Variants in FTO observed in about 807,000 individuals in gnomAD.
FTO encodes alpha-ketoglutarate-dependent dioxygenase FTO.
FTO carries 47 observed loss-of-function variants against 63.9 expected under a neutral mutation model. The ratio of observed to expected loss-of-function variants is 0.74; its 90% CI spans 0.58 to 0.94. FTO has a LOEUF of 0.94. Ranked by LOEUF, FTO falls within the 40% of genes least tolerant of loss-of-function variation. The probability of loss-of-function intolerance (pLI) is 0.00; values close to 1 mark genes in which losing one functional copy is unlikely to be tolerated. For missense variants in FTO, 562 were observed against 618.1 expected (o/e 0.91, Z 0.96); for synonymous variants, 207 against 224.4 (o/e 0.92, Z 0.69).
chr16:53,782,055 G>A (rs989903435), intron 1 of FTO, among the ~76,000 whole-genome samples: 14 of 151,974 alleles, frequency 9.2e-5, no homozygotes, highest in Non-Finnish European at 1.5e-4. Flanking sequence ...GACAGTTATG[G>A]AACCCTCTCC....
chr16:54,057,344 A>G (rs796637654), intron 8 of FTO, among the ~76,000 whole-genome samples: 4 of 152,338 alleles, frequency 2.6e-5, no homozygotes, highest in African/African-American at 4.8e-5. Context: ...TGGGCATCCC[A>G]TGATCAACGT....
chr16:54,059,480 A>G (rs2085519084), intron 8 of FTO, among the ~76,000 whole-genome samples: 1 of 152,240 alleles, frequency 6.6e-6, no homozygotes, highest in Middle Eastern at 3.4e-3. Context: ...TGCTGAGCCC[A>G]TATTCATCAC....
intron 1 of FTO, among the ~76,000 whole-genome samples, chr16:53,791,771 C>G (rs1398417842): frequency 6.6e-6 from 1 of 152,154 alleles, no homozygotes; most frequent in African/African-American, 2.4e-5. Flanking sequence ...ATCAAGAAAG[C>G]ATGATAATAA....
At chr16:53,937,465 T>C (rs2082415978) in intron 8 of FTO, 1 of 390,512 alleles carries the variant, frequency 2.6e-6, no homozygotes, top group Non-Finnish European at 4.5e-6. Context: ...TAATAAACTC[T>C]GAGGTTCTTA....
intron 1 of FTO, among the ~76,000 whole-genome samples, chr16:53,744,645 T>G (rs942780317): frequency 2.0e-5 from 3 of 152,186 alleles, no homozygotes; most frequent in Non-Finnish European, 4.4e-5. Flanking sequence ...CCTTCCTGAC[T>G]CACTTCCTGC....
At chr16:53,981,068 T>C (rs2083531212) in intron 8 of FTO, among the ~76,000 whole-genome samples, 1 of 152,186 alleles carries the variant, frequency 6.6e-6, no homozygotes, top group Non-Finnish European at 1.5e-5. Context: ...CTCACACCTG[T>C]AATCCAGCAT....
At chr16:53,940,194 T>C (rs1012378669) in intron 8 of FTO, among the ~76,000 whole-genome samples, 5 of 152,118 alleles carry the variant, frequency 3.3e-5, no homozygotes, top group Non-Finnish European at 7.4e-5. Context: ...ATCCTAGTGG[T>C]ATATTATTGT....
chr16:53,783,384 G>A (rs928634690), intron 1 of FTO, among the ~76,000 whole-genome samples: 2 of 151,696 alleles, frequency 1.3e-5, no homozygotes, highest in Admixed American at 1.3e-4. Flanking sequence ...AGGCCGAGGC[G>A]GGCGGGTCAC....
chr16:54,016,225 T>C (rs1330837801), intron 8 of FTO, among the ~76,000 whole-genome samples: 2 of 147,500 alleles, frequency 1.4e-5, no homozygotes, highest in African/African-American at 4.9e-5. Context: ...ATGCTAAAAA[T>C]ACAGTTGTCT....
At chr16:53,951,083 GTAAT>G (rs1800087477) in intron 8 of FTO, among the ~76,000 whole-genome samples, 1 of 152,190 alleles carries the variant, frequency 6.6e-6, no homozygotes, top group Non-Finnish European at 1.5e-5. Flanking sequence ...TTTTTCGTAA[GTAAT>G]TAATCTTTTC....
chr16:53,714,790 C>T (rs2075854001), intron 1 of FTO, among the ~76,000 whole-genome samples: 1 of 152,086 alleles, frequency 6.6e-6, no homozygotes, highest in Non-Finnish European at 1.5e-5. Context: ...GGAACCACAG[C>T]CAGGCAGAGG....
At chr16:53,762,277 A>G (rs547018900) in intron 1 of FTO, among the ~76,000 whole-genome samples, 47 of 152,312 alleles carry the variant, frequency 3.1e-4, no homozygotes, top group African/African-American at 1.1e-3. Context: ...TCTTGTATAA[A>G]TAACAATACT....
intron 4 of FTO, among the ~76,000 whole-genome samples, chr16:53,848,689 A>T (rs2079703077): frequency 6.6e-6 from 1 of 152,120 alleles, no homozygotes; most frequent in Admixed American, 6.6e-5. Context: ...GGAGTTAGGG[A>T]CTTAAAAGTG....
intron 8 of FTO, among the ~76,000 whole-genome samples, chr16:53,953,829 G>T (rs2082857781): frequency 6.6e-6 from 1 of 152,188 alleles, no homozygotes; most frequent in Non-Finnish European, 1.5e-5. Flanking sequence ...TCATTTAAAT[G>T]AGCAAATCTT....
At chr16:54,104,271 A>G (rs2086700186) in intron 8 of FTO, among the ~76,000 whole-genome samples, 1 of 150,222 alleles carries the variant, frequency 6.7e-6, no homozygotes, top group Admixed American at 6.6e-5. Context: ...TTGCAGGTTC[A>G]TGTGGACTTG....
chr16:53,808,944 G>A (rs1211628955), intron 1 of FTO, among the ~76,000 whole-genome samples: 3 of 152,148 alleles, frequency 2.0e-5, no homozygotes, highest in African/African-American at 4.8e-5. Flanking sequence ...ACCTGTCTAT[G>A]TGTATATGTG....
intron 3 of FTO, among the ~76,000 whole-genome samples, chr16:53,827,315 A>G (rs2079032962): frequency 6.6e-6 from 1 of 152,172 alleles, no homozygotes; most frequent in Non-Finnish European, 1.5e-5. Context: ...CAGATGGAGG[A>G]GAGCATGACC....
At chr16:53,941,916 C>T (rs1313970229) in intron 8 of FTO, among the ~76,000 whole-genome samples, 1 of 152,172 alleles carries the variant, frequency 6.6e-6, no homozygotes, top group Non-Finnish European at 1.5e-5. Flanking sequence ...TGAATAATGC[C>T]CTCTATCAAA....
intron 1 of FTO, among the ~76,000 whole-genome samples, chr16:53,794,546 G>T (rs1008235121): frequency 1.3e-5 from 2 of 152,172 alleles, no homozygotes; most frequent in African/African-American, 4.8e-5. Context: ...ACTGCTTAAA[G>T]CCAGGGGCAG....
Sources: allele counts gnomAD v4.1 joint callset (sites outside exome capture counted in the v4.1 genomes callset), GRCh38; gene constraint gnomAD v4.1.1; transcripts MANE v1.5; gene names NCBI Gene and HGNC (gene_info 2026-07-23, HGNC 2026-07-21).